DTX1: variants seen among roughly 807,000 people sequenced by gnomAD.
DTX1 encodes E3 ubiquitin-protein ligase DTX1.
In DTX1, 26 loss-of-function variants were observed where a neutral mutation model predicts 57.8. That is an observed-to-expected ratio of 0.45 (90% CI 0.33 to 0.62). The LOEUF (loss-of-function observed/expected upper bound fraction) is 0.62, where lower values mean the gene tolerates loss of function less well. Among genes scored for constraint, DTX1 ranks in the 20% least tolerant of loss-of-function variants. DTX1 has a pLI of 0.02. For missense variants in DTX1, 704 were observed against 895.3 expected (o/e 0.79, Z 2.73); for synonymous variants, 398 against 394.1 (o/e 1.01, Z -0.12).
intron 2 of DTX1, among the ~76,000 whole-genome samples, chr12:113,073,899 G>A (rs924217388): frequency 1.3e-5 from 2 of 152,262 alleles, no homozygotes; most frequent in Non-Finnish European, 2.9e-5. Context: ...ACAGCCTAGA[G>A]TGAGGATACG....
At position 113,097,039 on chromosome 12, in the gene DTX1, G is replaced by C; in HGVS notation, c.*100G>C. 1 of 1,348,834 alleles carries C rather than the reference G, an allele frequency of 7.4e-7. No individual in the cohort carries two copies. The highest frequency in any genetic ancestry group is 9.9e-7 in the Non-Finnish European group (1 of 1,007,432). The allele number at this position is 1,348,834 out of a possible 1,614,324, so 83.6% of individuals were successfully genotyped here. ...GTAGCCCAGGTTCAGGGCTGGGGAGGAGCCTGCGGAAGGGGCCGCAGCCAT... is the reference window on the plus strand; with the variant it reads ...GTAGCCCAGGTTCAGGGCTGGGGAGCAGCCTGCGGAAGGGGCCGCAGCCAT... On this transcript the variant is annotated 3_prime_UTR_variant, in exon 10 of 10. Transcript: ENST00000548759.
chr12:113,084,531 A>G (rs536723724), intron 3 of DTX1, among the ~76,000 whole-genome samples: 6 of 152,228 alleles, frequency 3.9e-5, no homozygotes, highest in Admixed American at 3.3e-4. Flanking sequence ...GACTAAAGGT[A>G]TGCACCACCA....
At chr12:113,072,793 TC>T (rs2136056537) in intron 2 of DTX1, among the ~76,000 whole-genome samples, 1 of 144,106 alleles carries the variant, frequency 6.9e-6, no homozygotes, top group African/African-American at 2.6e-5. Flanking sequence ...AACCTCTGCC[TC>T]CTGGGTTCAA....
chr12:113,087,518 C>T (rs573926725), intron 3 of DTX1, among the ~76,000 whole-genome samples: 33 of 151,970 alleles, frequency 2.2e-4, no homozygotes, highest in African/African-American at 8.0e-4. Context: ...GAGAAGGCAG[C>T]TATGAGGCAG....
chr12:113,094,751 C>T, intron 6 of DTX1, 38 bp from the exon 7 acceptor site: 4 of 1,598,828 alleles, frequency 2.5e-6, no homozygotes, highest in Non-Finnish European at 3.4e-6. Flanking sequence ...GGTGCCCTGC[C>T]CTCCCCAGTC....
At position 113,097,222 on chromosome 12, in the gene DTX1, G is replaced by A. The variant is rs542249934; in HGVS notation, c.*283G>A. Reference sequence around the variant, plus strand: ...CCTCACACACAAACACACATGTCCTGTTGAACTCATGCACGCACACCCACG... The same window carrying A: ...CCTCACACACAAACACACATGTCCTATTGAACTCATGCACGCACACCCACG... On this transcript the variant is annotated 3_prime_UTR_variant, in exon 10 of 10. Coordinates refer to ENST00000548759, the MANE Select transcript of DTX1 (RefSeq NM_004416.3). 2.3e-6 allele frequency: 1 copy of A among 429,686 alleles called. No individual in the cohort carries two copies. The highest frequency in any genetic ancestry group is 4.3e-5 in the East Asian group (1 of 23,208). 26.6% of individuals were successfully genotyped at this position (429,686 alleles called of 1,614,324 possible).
chr12:113,089,581 C>A (rs536893673), intron 3 of DTX1, among the ~76,000 whole-genome samples: 1 of 152,144 alleles, frequency 6.6e-6, no homozygotes, highest in South Asian at 2.1e-4. Flanking sequence ...GAGGAAACAG[C>A]GTGTCCCACA....
chr12:113,082,752 C>T (rs897140492), intron 3 of DTX1, among the ~76,000 whole-genome samples: 8 of 152,148 alleles, frequency 5.3e-5, no homozygotes, highest in Non-Finnish European at 1.2e-4. Flanking sequence ...CGCACCACCA[C>T]ACCCAGCTAA....
chr12:113,069,522 C>T (rs992486100), intron 2 of DTX1, among the ~76,000 whole-genome samples: 3 of 152,166 alleles, frequency 2.0e-5, no homozygotes, highest in African/African-American at 7.2e-5. Flanking sequence ...CACAAGGAAA[C>T]CACTAATGGG....
chr12:113,067,180 T>G (rs774676784), intron 2 of DTX1, among the ~76,000 whole-genome samples: 3 of 151,822 alleles, frequency 2.0e-5, no homozygotes, highest in Non-Finnish European at 4.4e-5. Context: ...CCACCTCTTG[T>G]CCCGATGACC....
At chr12:113,071,807 G>A (rs985032256) in intron 2 of DTX1, among the ~76,000 whole-genome samples, 33 of 152,362 alleles carry the variant, frequency 2.2e-4, no homozygotes, top group African/African-American at 5.0e-4. Context: ...CGGGCGCTGC[G>A]GGGTGCAGGG....
At chr12:113,095,284 C>T (rs1266172631) in intron 8 of DTX1, 41 bp from the exon 9 acceptor site, 1 of 1,612,866 alleles carries the variant, frequency 6.2e-7, no homozygotes, top group Admixed American at 1.7e-5. Flanking sequence ...CCTGCCACCA[C>T]CTGTTCATGG....
intron 2 of DTX1, among the ~76,000 whole-genome samples, chr12:113,072,988 T>C (rs2044747576): frequency 6.6e-6 from 1 of 152,186 alleles, no homozygotes; most frequent in Admixed American, 6.5e-5. Context: ...ATTACAGGCA[T>C]GAGCCACTGC....
chr12:113,064,035 CCCCTTCT>C (rs1172472578), intron 2 of DTX1, among the ~76,000 whole-genome samples: 1 of 152,188 alleles, frequency 6.6e-6, no homozygotes, highest in Non-Finnish European at 1.5e-5. Flanking sequence ...TTCCCCCTTC[CCCCTTCT>C]CCCTTGAGAG....
intron 3 of DTX1, among the ~76,000 whole-genome samples, chr12:113,084,169 G>A (rs1055985785): frequency 9.9e-5 from 15 of 152,222 alleles, no homozygotes; most frequent in African/African-American, 3.6e-4. Context: ...GACAGGGCGG[G>A]GAGCCAGCTG....
intron 2 of DTX1, among the ~76,000 whole-genome samples, chr12:113,065,429 C>A (rs1230706807): frequency 2.6e-5 from 4 of 152,186 alleles, no homozygotes; most frequent in Admixed American, 6.5e-5. Context: ...GCACCATCAA[C>A]GACCCGCCCG....
intron 2 of DTX1, among the ~76,000 whole-genome samples, chr12:113,073,956 C>T (rs2044753392): frequency 6.6e-6 from 1 of 152,130 alleles, no homozygotes; most frequent in Non-Finnish European, 1.5e-5. Context: ...CACAGCCTGG[C>T]GCAGTGGCTC....
chr12:113,090,481 GT>G (rs927616919), intron 3 of DTX1, among the ~76,000 whole-genome samples: 20 of 152,192 alleles, frequency 1.3e-4, no homozygotes, highest in Non-Finnish European at 2.5e-4. Flanking sequence ...AGCTTTACAT[GT>G]TTTAGCACAT....
chr12:113,088,817 G>A (rs537180134), intron 3 of DTX1, among the ~76,000 whole-genome samples: 26 of 149,166 alleles, frequency 1.7e-4, no homozygotes, highest in African/African-American at 2.7e-4. Context: ...GCAACACAGC[G>A]AGGCCCTGTC....
Sources: gnomAD v4.1 joint callset for allele counts (sites outside exome capture counted in the v4.1 genomes callset) on GRCh38, gnomAD v4.1.1 for gene constraint, MANE v1.5 for transcripts, NCBI Gene and HGNC (gene_info 2026-07-23, HGNC 2026-07-21) for gene names.